PHF20L1: variants seen among roughly 807,000 people sequenced by gnomAD.
PHF20L1 encodes PHD finger protein 20-like protein 1.
PHF20L1 carries 44 observed loss-of-function variants against 125.5 expected under a neutral mutation model. That is an observed-to-expected ratio of 0.35 (90% CI 0.28 to 0.45). PHF20L1 has a LOEUF of 0.45. Among genes scored for constraint, PHF20L1 ranks in the 20% least tolerant of loss-of-function variants. The pLI is 1.00. For missense variants in PHF20L1, 1,012 were observed against 1,217.2 expected (o/e 0.83, Z 2.51); for synonymous variants, 380 against 403.1 (o/e 0.94, Z 0.69).
At chr8:132,784,087 T>C (rs1830733484) in intron 2 of PHF20L1, among the ~76,000 whole-genome samples, 1 of 152,156 alleles carries the variant, frequency 6.6e-6, no homozygotes, top group Non-Finnish European at 1.5e-5. Flanking sequence ...CTTTGAACAA[T>C]GCTAAATATA....
chr8:132,781,882 T>C (rs1267273112), intron 2 of PHF20L1, among the ~76,000 whole-genome samples: 2 of 152,158 alleles, frequency 1.3e-5, no homozygotes, highest in African/African-American at 4.8e-5. Context: ...TTTTGATAAT[T>C]GGATCTCTCC....
Position 132,848,368 on chromosome 8 carries a change from T to C in PHF20L1, c.*2445T>C, listed in dbSNP as rs191237909. 6 of 152,698 alleles carry C rather than the reference T, an allele frequency of 3.9e-5. No homozygotes were observed. In the East Asian group the frequency reaches 5.8e-4, roughly 15 times the overall value. 9.5% of individuals were successfully genotyped at this position (152,698 alleles called of 1,614,324 possible). ...CAAGTAGTGCGCTGAGCTTTTCTTA[T>C]TGAAGAGAGTGAATTAGTTTCTGAG... is the stretch of plus-strand genomic sequence containing the variant. On this transcript the variant is annotated 3_prime_UTR_variant, in exon 21 of 21. Transcript: ENST00000395386.
chr8:132,793,330 C>A (rs1442365409), intron 2 of PHF20L1, among the ~76,000 whole-genome samples: 1 of 152,092 alleles, frequency 6.6e-6, no homozygotes, highest in Non-Finnish European at 1.5e-5. Flanking sequence ...AGAAGCTCTA[C>A]CGGAGAATGA....
intron 6 of PHF20L1, among the ~76,000 whole-genome samples, chr8:132,802,424 T>C (rs894864452): frequency 3.3e-5 from 5 of 151,808 alleles, no homozygotes; most frequent in African/African-American, 1.2e-4. Context: ...TTTGCATTAG[T>C]CTTTCTCTTC....
intron 19 of PHF20L1, 46 bp downstream of exon 19, chr8:132,842,921 A>G: frequency 6.5e-7 from 1 of 1,529,596 alleles, no homozygotes. Context: ...TGAGAGAAGA[A>G]CAAAGGAAAA....
intron 2 of PHF20L1, among the ~76,000 whole-genome samples, chr8:132,792,928 A>G (rs1044864191): frequency 6.6e-6 from 1 of 150,714 alleles, no homozygotes. Flanking sequence ...TTTTAATCCA[A>G]TAATTCCCTA....
intron 10 of PHF20L1, chr8:132,816,585 C>T (rs1035506210): frequency 6.9e-5 from 16 of 233,272 alleles, no homozygotes; most frequent in Non-Finnish European, 1.3e-4. Context: ...ATTTACACAA[C>T]GATCTGCAAT....
intron 14 of PHF20L1, among the ~76,000 whole-genome samples, chr8:132,828,512 T>C (rs925836550): frequency 6.6e-6 from 1 of 152,108 alleles, no homozygotes; most frequent in Non-Finnish European, 1.5e-5. Flanking sequence ...CAACAAGTTT[T>C]TACTTGTTTT....
rs775652334 is a variant in PHF20L1, at chr8:132,844,286, G to C, written c.2879G>C (p.Ser960Thr). The change falls in exon 20 of 21, where the codon AGC (serine) becomes ACC (threonine). Residue 960 changes from serine (S) to threonine (T), a missense_variant. Transcript: ENST00000395386. ...HIENVQNEVT[S>T]RMDLIEKEVD... is the part of the protein sequence containing the mutation. Reference sequence around the variant, plus strand: ...GAAAATGTGCAGAACGAAGTTACCAGCAGGATGGACCTAATAGAAAAAGAA... The same window carrying C: ...GAAAATGTGCAGAACGAAGTTACCACCAGGATGGACCTAATAGAAAAAGAA... 1.9e-6 allele frequency: 3 copies of C among 1,612,380 alleles called. No homozygotes were observed. The highest frequency in any genetic ancestry group is 2.5e-6 in the Non-Finnish European group (3 of 1,178,868).
chr8:132,784,515 A>T (rs1013157974), intron 2 of PHF20L1, among the ~76,000 whole-genome samples: 3 of 151,442 alleles, frequency 2.0e-5, no homozygotes, highest in East Asian at 1.9e-4. Context: ...TTTTTTTTTT[A>T]AATCATACTT....
intron 4 of PHF20L1, among the ~76,000 whole-genome samples, chr8:132,797,327 A>G (rs369495915): frequency 1.3e-5 from 2 of 152,192 alleles, no homozygotes; most frequent in East Asian, 3.9e-4. Flanking sequence ...TTTGTAATAC[A>G]GCATATAGAA....
chr8:132,782,792 G>A (rs1251043132), intron 2 of PHF20L1, among the ~76,000 whole-genome samples: 2 of 150,254 alleles, frequency 1.3e-5, no homozygotes, highest in Admixed American at 6.6e-5. Flanking sequence ...TTTTGGTAGA[G>A]AAAGCGATCT....
At position 132,836,775 on chromosome 8, in the gene PHF20L1, C is replaced by T. The variant is rs559097270; in HGVS notation, c.2091+54C>T. 228 of 1,250,310 alleles carry T rather than the reference C, an allele frequency of 1.8e-4. 2 individuals are homozygous for T. In the Middle Eastern group the frequency reaches 3.1e-3, roughly 17 times the overall value. 77.5% of individuals were successfully genotyped at this position (1,250,310 alleles called of 1,614,324 possible). A position where few individuals can be genotyped will look rare whatever the true frequency, so the allele number is the denominator to read the frequency against. On this transcript the variant is annotated intron_variant, in intron 16 of 20. Coordinates refer to ENST00000395386, the MANE Select transcript of PHF20L1 (RefSeq NM_016018.5). Reference sequence around the variant, plus strand: ...TGAGTTAGTTGTTTCAGGTGCTCAGCAAATGCATCACGGTGTTTTATTTCT... The same window carrying T: ...TGAGTTAGTTGTTTCAGGTGCTCAGTAAATGCATCACGGTGTTTTATTTCT...
chr8:132,844,244 A>G lies in PHF20L1; in HGVS notation c.2837A>G (p.Asn946Ser), dbSNP rs367794176. 26 of 1,612,816 alleles carry G rather than the reference A, an allele frequency of 1.6e-5. No individual in the cohort carries two copies. The highest frequency in any genetic ancestry group is 4.0e-5 in the African/African-American group (3 of 74,876). ...PGDSHLQWQL[N>S]LLTHIENVQN... ...GACTCACATCTTCAGTGGCAGCTCA[A>G]TCTCCTTACACACATAGAAAATGTG... Residue 946 changes from asparagine (N) to serine (S), a missense_variant, in exon 20 of 21, where the codon AAT (asparagine) becomes AGT (serine). Asn to Ser is a conservative substitution (Grantham distance 46, BLOSUM62 1). This residue lies in a region of PHF20L1 where 277 missense variants were observed against 283.6 expected (regional missense o/e 0.98). Transcript: ENST00000395386.
intron 2 of PHF20L1, among the ~76,000 whole-genome samples, chr8:132,793,857 T>A (rs1487968625): frequency 6.6e-6 from 1 of 152,194 alleles, no homozygotes. Context: ...TGCTGATGTA[T>A]TTTTTGCTAG....
At chr8:132,786,218 A>T (rs897255126) in intron 2 of PHF20L1, among the ~76,000 whole-genome samples, 1 of 152,134 alleles carries the variant, frequency 6.6e-6, no homozygotes, top group Non-Finnish European at 1.5e-5. Context: ...TTCAAACGTG[A>T]TGAAAGTTAA....
chr8:132,836,356 C>T (rs1837357655), intron 15 of PHF20L1, 184 bp from the exon 16 acceptor site: 1 of 492,266 alleles, frequency 2.0e-6, no homozygotes, highest in South Asian at 3.7e-5. Flanking sequence ...TCATAATTAC[C>T]TAAGCTTCAA....
Position 132,794,834 on chromosome 8 carries a change from A to T in PHF20L1, c.340+17A>T. On this transcript the variant is annotated intron_variant, in intron 4 of 20. Coordinates refer to ENST00000395386, the MANE Select transcript of PHF20L1 (RefSeq NM_016018.5). The stretch of plus-strand genomic sequence containing the variant: ...ACAAAGAAGGTATGTGTTTGAAATG[A>T]TCTGAGACTTAAAATTAGATTAATA... 3 of 1,496,516 alleles carry T rather than the reference A, an allele frequency of 2.0e-6. No homozygotes were observed. Among genetic ancestry groups the T allele is most frequent in the Non-Finnish European group, 2.8e-6 (3 of 1,079,092 alleles). 92.7% of individuals were successfully genotyped at this position (1,496,516 alleles called of 1,614,324 possible). A position where few individuals can be genotyped will look rare whatever the true frequency, so the allele number is the denominator to read the frequency against.
intron 14 of PHF20L1, among the ~76,000 whole-genome samples, chr8:132,826,013 C>T (rs1271902752): frequency 6.6e-6 from 1 of 152,004 alleles, no homozygotes; most frequent in Non-Finnish European, 1.5e-5. Flanking sequence ...TAAGAATGAA[C>T]ACAACTCCAA....
Sources: gnomAD v4.1 joint callset for allele counts (sites outside exome capture counted in the v4.1 genomes callset) on GRCh38, gnomAD v4.1.1 for gene constraint, gnomAD v4.1.1 regional missense constraint, MANE v1.5 for transcripts, NCBI Gene and HGNC (gene_info 2026-07-23, HGNC 2026-07-21) for gene names.